The following SKAP1 variants were observed in gnomAD, a reference collection of about 807,000 sequenced individuals.
SKAP1 encodes the protein src kinase associated phosphoprotein 1.
Under a neutral mutation model 58.5 loss-of-function variants are expected in SKAP1, and 44 were observed. The ratio of observed to expected loss-of-function variants is 0.75; its 90% CI spans 0.59 to 0.97. The LOEUF (loss-of-function observed/expected upper bound fraction) is 0.97, where lower values mean the gene tolerates loss of function less well. Among genes scored for constraint, SKAP1 ranks in the 50% least tolerant of loss-of-function variants. The pLI, the probability that SKAP1 is intolerant of heterozygous loss-of-function variation, is 0.00. For synonymous variants in SKAP1, 127 were observed against 149.7 expected, an observed-to-expected ratio of 0.85 and a Z score of 1.11; for missense variants, 390 against 435.2, an observed-to-expected ratio of 0.90 and a Z score of 0.92.
intron 2 of SKAP1, among the ~76,000 whole-genome samples, chr17:48,373,679 G>A (rs769706991): frequency 5.9e-5 from 9 of 152,128 alleles, no homozygotes; most frequent in Non-Finnish European, 1.2e-4. Context: ...CTCTAAAATT[G>A]TGGGTGAAAT....
In SKAP1 at chr17:48,281,314, G is replaced by A. The variant is rs1034296313; in HGVS notation, c.280+64591C>T. Among the ~76,000 whole-genome samples the A allele has an allele frequency of 3.9e-5, 6 of 152,068 alleles. 1 individual carries two copies. The South Asian group carries it at 8.3e-4, about 21-fold the overall frequency. On this transcript the variant is annotated intron_variant, in intron 4 of 12. Coordinates refer to ENST00000336915, the MANE Select transcript of SKAP1 (RefSeq NM_003726.4). ...GCTAGAATTACAGGCGTGAGTCACTGCACCTGGCCCAGAGCTCAAGTTTTA... is the reference window on the plus strand; with the variant it reads ...GCTAGAATTACAGGCGTGAGTCACTACACCTGGCCCAGAGCTCAAGTTTTA...
intron 11 of SKAP1, among the ~76,000 whole-genome samples, chr17:48,137,849 G>A (rs535055406): frequency 1.3e-5 from 2 of 152,162 alleles, no homozygotes; most frequent in African/African-American, 4.8e-5. Context: ...TCTAATCCTC[G>A]CTTGGTCATT....
At chr17:48,211,836 T>C (rs960084921) in intron 4 of SKAP1, among the ~76,000 whole-genome samples, 1 of 151,924 alleles carries the variant, frequency 6.6e-6, no homozygotes, top group African/African-American at 2.4e-5. Context: ...TTCGTCATGG[T>C]CCAAACTGGC....
rs2067900184 is a variant in SKAP1 at position 48,430,149 on chromosome 17, G to C, written c.-29C>G. 1 of 1,254,362 alleles carries C rather than the reference G, an allele frequency of 8.0e-7. No homozygotes were observed. The highest frequency in any genetic ancestry group is 1.0e-6 in the Non-Finnish European group (1 of 992,050). 77.7% of individuals were successfully genotyped at this position (1,254,362 alleles called of 1,614,324 possible). ...GCTGGGCGGGAGAGAGGCGGGACGGGGCGCGGGCCCTGGTCGGGAGGCGGA... is the reference window on the plus strand; with the variant it reads ...GCTGGGCGGGAGAGAGGCGGGACGGCGCGCGGGCCCTGGTCGGGAGGCGGA... On this transcript the variant is annotated 5_prime_UTR_variant, in exon 1 of 13. Coordinates refer to ENST00000336915, the MANE Select transcript of SKAP1 (RefSeq NM_003726.4).
intron 4 of SKAP1, among the ~76,000 whole-genome samples, chr17:48,218,051 T>A (rs988572474): frequency 6.6e-6 from 1 of 152,236 alleles, no homozygotes; most frequent in African/African-American, 2.4e-5. Flanking sequence ...AAGTATCACA[T>A]TGTGTTAATG....
intron 4 of SKAP1, among the ~76,000 whole-genome samples, chr17:48,225,398 C>A (rs2065055945): frequency 6.6e-6 from 1 of 152,164 alleles, no homozygotes; most frequent in Non-Finnish European, 1.5e-5. Context: ...TTTCTGTGCT[C>A]ATTTTTTCCC....
At chr17:48,270,733 G>T (rs1022903614) in intron 4 of SKAP1, among the ~76,000 whole-genome samples, 3 of 152,032 alleles carry the variant, frequency 2.0e-5, no homozygotes, top group East Asian at 3.8e-4. Flanking sequence ...CTTCTAAAAG[G>T]TCAAGGCTAT....
At chr17:48,360,804 G>C (rs940476576) in intron 3 of SKAP1, among the ~76,000 whole-genome samples, 1 of 152,062 alleles carries the variant, frequency 6.6e-6, no homozygotes, top group African/African-American at 2.4e-5. Context: ...GGAAATGTGA[G>C]AGAAAGAATT....
intron 4 of SKAP1, among the ~76,000 whole-genome samples, chr17:48,293,116 A>C (rs1414290230): frequency 6.6e-6 from 1 of 152,204 alleles, no homozygotes; most frequent in Non-Finnish European, 1.5e-5. Context: ...AGTTTTCAAT[A>C]TAATATATTA....
chr17:48,424,134 G>A (rs1175632836), intron 1 of SKAP1, among the ~76,000 whole-genome samples: 1 of 152,006 alleles, frequency 6.6e-6, no homozygotes. Flanking sequence ...TTCAGTCTCT[G>A]CTGAGGGCCT....
intron 4 of SKAP1, among the ~76,000 whole-genome samples, chr17:48,222,161 A>G (rs960532250): frequency 6.6e-6 from 1 of 152,206 alleles, no homozygotes; most frequent in South Asian, 2.1e-4. Context: ...AGTAGAGGGA[A>G]CCACAAAGAG....
At chr17:48,367,053 T>C (rs2067012818) in intron 2 of SKAP1, among the ~76,000 whole-genome samples, 1 of 152,220 alleles carries the variant, frequency 6.6e-6, no homozygotes, top group African/African-American at 2.4e-5. Flanking sequence ...TGTCCCATGA[T>C]GCCCACTCCA....
chr17:48,388,436 G>GAAAC lies in SKAP1; in HGVS notation c.152+8240_152+8243dup, dbSNP rs550000856. On this transcript the variant is annotated intron_variant, in intron 2 of 12. Transcript: ENST00000336915. ...GTGACAGAGTGAGACTCTGTCTCAGGAAACAAACAAACAAACAAACAACAA... is the reference window on the plus strand; with the variant it reads ...GTGACAGAGTGAGACTCTGTCTCAGGAAACAAACAAACAAACAAACAAACAACAA... Among the ~76,000 whole-genome samples, 518 of 151,870 alleles carry GAAAC rather than the reference G, an allele frequency of 3.4e-3. 1 individual carries two copies. Among genetic ancestry groups the GAAAC allele is most frequent in the Admixed American group, 5.4e-3 (82 of 15,252 alleles).
At chr17:48,251,342 A>G (rs1477810898) in intron 4 of SKAP1, among the ~76,000 whole-genome samples, 1 of 152,172 alleles carries the variant, frequency 6.6e-6, no homozygotes, top group Non-Finnish European at 1.5e-5. Context: ...CCAAATGTAC[A>G]CCCTCTTTTA....
At chr17:48,381,876 A>G (rs1162397319) in intron 2 of SKAP1, among the ~76,000 whole-genome samples, 1 of 152,248 alleles carries the variant, frequency 6.6e-6, no homozygotes, top group African/African-American at 2.4e-5. Flanking sequence ...TATATGTTCA[A>G]TAAACATTTG....
At chr17:48,211,542 C>T (rs2064873203) in intron 4 of SKAP1, among the ~76,000 whole-genome samples, 1 of 152,186 alleles carries the variant, frequency 6.6e-6, no homozygotes, top group African/African-American at 2.4e-5. Flanking sequence ...TTATATATCT[C>T]TTATATATGA....
At chr17:48,435,114 G>A (rs759062602), upstream of SKAP1, among the ~76,000 whole-genome samples, 2 of 152,122 alleles carry the variant, frequency 1.3e-5, no homozygotes, top group Non-Finnish European at 2.9e-5. Flanking sequence ...CTCCAGCCTC[G>A]GCAACAAAGC....
intron 1 of SKAP1, among the ~76,000 whole-genome samples, chr17:48,424,667 G>A (rs1366855321): frequency 2.0e-5 from 3 of 150,448 alleles, no homozygotes; most frequent in East Asian, 2.0e-4. Flanking sequence ...AGGCACGGTG[G>A]CTCATGCCTG....
intron 12 of SKAP1, among the ~76,000 whole-genome samples, chr17:48,135,622 C>T (rs768885430): frequency 1.3e-5 from 2 of 152,034 alleles, no homozygotes; most frequent in African/African-American, 2.4e-5. Flanking sequence ...GGCCTACAGA[C>T]GTGCACCACC....
Sources: gnomAD v4.1 joint callset for allele counts (sites outside exome capture counted in the v4.1 genomes callset) on GRCh38, gnomAD v4.1.1 for gene constraint, MANE v1.5 for transcripts, NCBI Gene and HGNC (gene_info 2026-07-23, HGNC 2026-07-21) for gene names.